ARID5B: variants seen among roughly 807,000 people sequenced by gnomAD.
ARID5B encodes the protein AT-rich interaction domain 5B.
Under a neutral mutation model 97.2 loss-of-function variants are expected in ARID5B, and 13 were observed. The ratio of observed to expected loss-of-function variants is 0.13; its 90% CI spans 0.09 to 0.21. ARID5B has a LOEUF of 0.21. Among genes scored for constraint, ARID5B ranks in the 10% least tolerant of loss-of-function variants. The pLI is 1.00. For missense variants in ARID5B, 1,210 were observed against 1,465.3 expected (o/e 0.83, Z 2.84); for synonymous variants, 556 against 570.3 (o/e 0.97, Z 0.36).
At chr10:61,942,513 C>T (rs758410972) in intron 3 of ARID5B, among the ~76,000 whole-genome samples, 6 of 152,140 alleles carry the variant, frequency 3.9e-5, no homozygotes, top group Non-Finnish European at 7.4e-5. Context: ...GGTTCCTGGC[C>T]GGGTGCGGTG....
rs534251519 is a variant in ARID5B at position 62,085,306 on chromosome 10, C to G, written c.1200-396C>G. ...TTGGTTCATGGCTGTGTCTCAGTGC[C>G]TAGAACACTGCCTATAGTATGTGCT... is the stretch of plus-strand genomic sequence containing the variant. On this transcript the variant is annotated intron_variant, in intron 8 of 9. Coordinates refer to ENST00000279873, the MANE Select transcript of ARID5B (RefSeq NM_032199.3). Among the ~76,000 whole-genome samples, 17 of 152,292 alleles carry G rather than the reference C, an allele frequency of 1.1e-4. No individual in the cohort carries two copies. The South Asian group carries it at 3.5e-3, about 32-fold the overall frequency.
At chr10:61,916,921 A>T (rs1164160810) in intron 2 of ARID5B, among the ~76,000 whole-genome samples, 3 of 152,160 alleles carry the variant, frequency 2.0e-5, no homozygotes, top group Non-Finnish European at 4.4e-5. Context: ...AGATAAGATC[A>T]ATGAGTGACT....
At chr10:62,060,069 T>C (rs1839903265) in intron 7 of ARID5B, among the ~76,000 whole-genome samples, 1 of 152,214 alleles carries the variant, frequency 6.6e-6, no homozygotes, top group Admixed American at 6.5e-5. Flanking sequence ...AATGATCAGA[T>C]TAAGTTGTGT....
At chr10:62,025,006 T>C (rs1465336563) in intron 4 of ARID5B, 1 of 208,648 alleles carries the variant, frequency 4.8e-6, no homozygotes, top group Non-Finnish European at 9.5e-6. Context: ...CGTAGAACAT[T>C]ATTTGTAGAA....
At chr10:62,069,293 G>C (rs1840031721) in intron 7 of ARID5B, among the ~76,000 whole-genome samples, 1 of 152,170 alleles carries the variant, frequency 6.6e-6, no homozygotes, top group Non-Finnish European at 1.5e-5. Flanking sequence ...ATTTCCACAT[G>C]CCTCAGGCAA....
chr10:62,031,766 C>T (rs1038484582), intron 4 of ARID5B, among the ~76,000 whole-genome samples: 1 of 151,230 alleles, frequency 6.6e-6, no homozygotes, highest in Non-Finnish European at 1.5e-5. Flanking sequence ...CTTTTCAGCT[C>T]CAGTCTTCAC....
In ARID5B at chr10:62,092,099, T is replaced by C. The variant is rs774236005; in HGVS notation, c.2636T>C (p.Leu879Pro). The C allele has an allele frequency of 1.2e-6, 2 of 1,611,740 alleles. No individual in the cohort carries two copies. Among genetic ancestry groups the C allele is most frequent in the East Asian group, 2.2e-5 (1 of 44,840 alleles). Reference protein sequence around the residue: ...SFPSHRHQEKLHVNYLTSLHL... With the variant: ...SFPSHRHQEKPHVNYLTSLHL... ...CCTTCCCACAGACACCAAGAAAAGC[T>C]CCATGTAAATTATCTCACGTCCCTG... Residue 879 changes from leucine to proline, a missense_variant, in exon 10 of 10, where the codon CTC (leucine) becomes CCC (proline). Transcript: ENST00000279873.
chr10:61,966,648 G>T (rs758072285), intron 3 of ARID5B, among the ~76,000 whole-genome samples: 2 of 152,076 alleles, frequency 1.3e-5, no homozygotes. Context: ...TAAGATGAGG[G>T]TATAAACTCT....
chr10:61,905,503 A>G (rs1212831696), intron 2 of ARID5B, among the ~76,000 whole-genome samples: 2 of 150,890 alleles, frequency 1.3e-5, no homozygotes, highest in East Asian at 1.9e-4. Context: ...GGGAGGCTGG[A>G]TAAGGCAGGA....
At chr10:62,037,389 C>A (rs1438073027) in intron 4 of ARID5B, among the ~76,000 whole-genome samples, 1 of 152,192 alleles carries the variant, frequency 6.6e-6, no homozygotes, top group African/African-American at 2.4e-5. Flanking sequence ...TTAATTCCAG[C>A]CTCTATGAAC....
At chr10:61,970,801 T>C (rs1160217347) in intron 3 of ARID5B, among the ~76,000 whole-genome samples, 3 of 152,172 alleles carry the variant, frequency 2.0e-5, no homozygotes, top group South Asian at 2.1e-4. Context: ...AGCAGGACAA[T>C]AGCTTGATCC....
At chr10:62,034,100 G>C (rs911668669) in intron 4 of ARID5B, among the ~76,000 whole-genome samples, 1 of 152,168 alleles carries the variant, frequency 6.6e-6, no homozygotes, top group Non-Finnish European at 1.5e-5. Context: ...TTAATTTCGG[G>C]ATGTCGTCCT....
At chr10:62,007,781 A>T (rs1839164493) in intron 4 of ARID5B, among the ~76,000 whole-genome samples, 1 of 152,100 alleles carries the variant, frequency 6.6e-6, no homozygotes, top group Non-Finnish European at 1.5e-5. Context: ...CACATCGCTT[A>T]TTCCAGAAAT....
intron 2 of ARID5B, among the ~76,000 whole-genome samples, chr10:61,903,078 C>T (rs752134822): frequency 6.6e-6 from 1 of 152,168 alleles, no homozygotes; most frequent in African/African-American, 2.4e-5. Context: ...CTCGCCCACT[C>T]CCCCTCCCCC....
At chr10:62,015,809 A>C (rs1204829056) in intron 4 of ARID5B, among the ~76,000 whole-genome samples, 1 of 152,128 alleles carries the variant, frequency 6.6e-6, no homozygotes, top group African/African-American at 2.4e-5. Flanking sequence ...TTTTCAATAG[A>C]GATGGGGTTT....
chr10:61,922,099 C>A (rs534461033), intron 2 of ARID5B, among the ~76,000 whole-genome samples: 1 of 152,344 alleles, frequency 6.6e-6, no homozygotes, highest in South Asian at 2.1e-4. Flanking sequence ...CAGTAGACTG[C>A]AGATTGCCTA....
intron 3 of ARID5B, among the ~76,000 whole-genome samples, chr10:61,954,081 G>A (rs984148566): frequency 8.6e-5 from 13 of 152,008 alleles, no homozygotes; most frequent in Non-Finnish European, 1.5e-4. Context: ...AATTTCAGCC[G>A]GGCACGGTGG....
rs191116794 is a variant in ARID5B, at chr10:61,965,211, C to T, written c.502+24803C>T. On this transcript the variant is annotated intron_variant, in intron 3 of 9. Coordinates refer to ENST00000279873, the MANE Select transcript of ARID5B (RefSeq NM_032199.3). ...GGTATTTTTTTTATAGTTTTATGAC[C>T]CTTGGCCCAGCCTTTATTGAAAGAA... is the stretch of plus-strand genomic sequence containing the variant. Among the ~76,000 whole-genome samples, 175 of 152,120 alleles carry T rather than the reference C, an allele frequency of 1.2e-3. 1 individual carries two copies. Among genetic ancestry groups the T allele is most frequent in the Non-Finnish European group, 1.6e-4 (11 of 67,970 alleles).
intron 3 of ARID5B, among the ~76,000 whole-genome samples, chr10:61,994,489 A>T (rs146461607): frequency 1.8e-4 from 28 of 152,284 alleles, no homozygotes; most frequent in African/African-American, 6.0e-4. Flanking sequence ...CATTATGGAT[A>T]TTTGAAAGTC....
Sources: allele counts gnomAD v4.1 joint callset (sites outside exome capture counted in the v4.1 genomes callset), GRCh38; gene constraint gnomAD v4.1.1; transcripts MANE v1.5; gene names NCBI Gene and HGNC (gene_info 2026-07-23, HGNC 2026-07-21).